SLC35D2: variants seen among roughly 807,000 people sequenced by gnomAD.
SLC35D2 encodes the protein solute carrier family 35 member D2.
In SLC35D2, 43 loss-of-function variants were observed where a neutral mutation model predicts 41.8. The ratio of observed to expected loss-of-function variants is 1.03; its 90% confidence interval spans 0.81 to 1.33. The LOEUF (loss-of-function observed/expected upper bound fraction) is 1.33, where lower values mean the gene tolerates loss of function less well. Ranked by LOEUF, SLC35D2 falls within the 40% of genes most tolerant of loss-of-function variation. The pLI, the probability that SLC35D2 is intolerant of heterozygous loss-of-function variation, is 0.00. For missense variants in SLC35D2, 380 were observed against 408.4 expected (o/e 0.93, Z 0.60); for synonymous variants, 150 against 163.9 (o/e 0.92, Z 0.65).
chr9:96,358,319 C>G (rs1587700209), intron 4 of SLC35D2, among the ~76,000 whole-genome samples: 1 of 151,534 alleles, frequency 6.6e-6, no homozygotes, highest in Non-Finnish European at 1.5e-5. Context: ...TGGAAGATAG[C>G]ATTTGGGTAA....
intron 9 of SLC35D2, among the ~76,000 whole-genome samples, chr9:96,326,430 A>T (rs192056736): frequency 6.6e-6 from 1 of 152,342 alleles, no homozygotes; most frequent in Admixed American, 6.5e-5. Context: ...AATGAAAGTA[A>T]ATGTTCTTTT....
intron 10 of SLC35D2, among the ~76,000 whole-genome samples, chr9:96,323,381 T>C (rs1056988517): frequency 1.3e-5 from 2 of 152,068 alleles, no homozygotes; most frequent in Admixed American, 6.6e-5. Flanking sequence ...CACCAGCTCA[T>C]GATCTCACCA....
chr9:96,319,261 A>G (rs1277357723), downstream of SLC35D2, among the ~76,000 whole-genome samples: 1 of 152,166 alleles, frequency 6.6e-6, no homozygotes, highest in East Asian at 1.9e-4. Flanking sequence ...CACAAAAACT[A>G]TGTGATTCTA....
chr9:96,373,701 AAC>A (rs1830812466), intron 1 of SLC35D2, among the ~76,000 whole-genome samples: 2 of 150,820 alleles, frequency 1.3e-5, no homozygotes, highest in South Asian at 4.2e-4. Flanking sequence ...AAAAAAAAAA[AAC>A]AATTTGAGCT....
At chr9:96,323,079 C>T (rs1041666471) in intron 10 of SLC35D2, among the ~76,000 whole-genome samples, 1 of 149,376 alleles carries the variant, frequency 6.7e-6, no homozygotes, top group Non-Finnish European at 1.5e-5. Flanking sequence ...TCTGTGGACA[C>T]AACAGGGCCA....
chr9:96,337,725 TA>T (rs1298735363), intron 8 of SLC35D2, among the ~76,000 whole-genome samples: 1 of 151,880 alleles, frequency 6.6e-6, no homozygotes, highest in Non-Finnish European at 1.5e-5. Flanking sequence ...CTCACGCTTG[TA>T]ATCCCAGCAC....
intron 4 of SLC35D2, among the ~76,000 whole-genome samples, chr9:96,354,595 C>T (rs1229943357): frequency 1.3e-5 from 2 of 151,764 alleles, no homozygotes; most frequent in Non-Finnish European, 2.9e-5. Flanking sequence ...GGTGAAACCC[C>T]ACTTATACTA....
intron 2 of SLC35D2, 65 bp from the exon 3 acceptor site, chr9:96,364,615 C>T: frequency 1.1e-6 from 1 of 908,956 alleles, no homozygotes; most frequent in Non-Finnish European, 1.8e-6. Context: ...GGTACAATGA[C>T]ATCATCAAAA....
At chr9:96,350,342 CTTT>C (rs1829759501) in intron 6 of SLC35D2, among the ~76,000 whole-genome samples, 2 of 102,558 alleles carry the variant, frequency 2.0e-5, no homozygotes, top group Non-Finnish European at 4.0e-5. Context: ...GGCTAATTTT[CTTT>C]CCTTTTTTTT....
intron 2 of SLC35D2, among the ~76,000 whole-genome samples, chr9:96,365,735 C>A (rs1830448749): frequency 6.6e-6 from 1 of 152,050 alleles, no homozygotes; most frequent in Non-Finnish European, 1.5e-5. Context: ...CCTTCAAATC[C>A]TCTTAATCTG....
intron 1 of SLC35D2, among the ~76,000 whole-genome samples, chr9:96,373,468 C>T (rs973174956): frequency 6.6e-6 from 1 of 152,046 alleles, no homozygotes; most frequent in African/African-American, 2.4e-5. Context: ...TCAGGCGGAT[C>T]ACGAGGTCAG....
intron 9 of SLC35D2, among the ~76,000 whole-genome samples, chr9:96,332,614 G>A (rs1400055420): frequency 6.6e-6 from 1 of 151,840 alleles, no homozygotes; most frequent in Non-Finnish European, 1.5e-5. Context: ...CCCTGTCTCT[G>A]CTAAAAATAC....
intron 2 of SLC35D2, among the ~76,000 whole-genome samples, chr9:96,367,240 GAAT>G (rs1256287391): frequency 6.7e-4 from 87 of 130,424 alleles, no homozygotes; most frequent in Non-Finnish European, 1.1e-3. Flanking sequence ...AAAAAAAAAA[GAAT>G]AATGTTTACT....
chr9:96,355,025 C>T (rs1008305650), intron 4 of SLC35D2, among the ~76,000 whole-genome samples: 13 of 150,056 alleles, frequency 8.7e-5, no homozygotes, highest in African/African-American at 2.9e-4. Flanking sequence ...GAGCAAGACC[C>T]CGTCTCTACT....
intron 9 of SLC35D2, among the ~76,000 whole-genome samples, chr9:96,331,183 C>A (rs1332588258): frequency 1.3e-5 from 2 of 152,202 alleles, no homozygotes; most frequent in Non-Finnish European, 2.9e-5. Flanking sequence ...CAGGCTTGAG[C>A]CACCATGCCC....
chr9:96,353,812 A>C (rs1361283928), intron 4 of SLC35D2, among the ~76,000 whole-genome samples: 2 of 152,142 alleles, frequency 1.3e-5, no homozygotes, highest in Admixed American at 1.3e-4. Context: ...TAGTCAACAG[A>C]CTGCCAGGGC....
At chr9:96,347,444 G>A (rs1554713491) in intron 6 of SLC35D2, among the ~76,000 whole-genome samples, 1 of 152,218 alleles carries the variant, frequency 6.6e-6, no homozygotes, top group Non-Finnish European at 1.5e-5. Context: ...ATCAATTAGA[G>A]CAGATTCATG....
intron 8 of SLC35D2, among the ~76,000 whole-genome samples, chr9:96,339,730 A>G (rs972168854): frequency 6.6e-6 from 1 of 152,144 alleles, no homozygotes; most frequent in Non-Finnish European, 1.5e-5. Context: ...TCAAATACTA[A>G]AGAAAGTTCA....
At chr9:96,369,089 T>A (rs1277103923) in intron 1 of SLC35D2, among the ~76,000 whole-genome samples, 1 of 152,044 alleles carries the variant, frequency 6.6e-6, no homozygotes, top group Non-Finnish European at 1.5e-5. Context: ...TTTAATTTGC[T>A]TCAAAATACT....
Sources: allele counts gnomAD v4.1 joint callset (sites outside exome capture counted in the v4.1 genomes callset), GRCh38; gene constraint gnomAD v4.1.1; transcripts MANE v1.5; gene names NCBI Gene and HGNC (gene_info 2026-07-23, HGNC 2026-07-21).